SCFD2: variants seen among roughly 807,000 people sequenced by gnomAD.
The protein encoded by SCFD2 is sec1 family domain-containing protein 2.
SCFD2 carries 54 observed loss-of-function variants against 58.9 expected under a neutral mutation model. The observed-to-expected ratio is 0.92, with a 90% CI of 0.74 to 1.15. The LOEUF (loss-of-function observed/expected upper bound fraction) is 1.15, where lower values mean the gene tolerates loss of function less well. SCFD2 is among the 50% of genes most tolerant of loss of function. The pLI, the probability that SCFD2 is intolerant of heterozygous loss-of-function variation, is 0.00. For synonymous variants in SCFD2, 321 were observed against 335.9 expected, an observed-to-expected ratio of 0.96 and a Z score of 0.49; for missense variants, 805 against 836.6, an observed-to-expected ratio of 0.96 and a Z score of 0.47.
At chr4:53,040,826 T>C (rs4864714) in intron 5 of SCFD2, among the ~76,000 whole-genome samples, 33,104 of 152,106 alleles carry the variant, frequency 0.22, 6,075 homozygotes, top group African/African-American at 0.51. Flanking sequence ...AAGACCTTTA[T>C]CAAGAGTGAA....
chr4:53,258,541 T>TATATATATATATATATATAC (rs1730724839), intron 4 of SCFD2, among the ~76,000 whole-genome samples: 1 of 13,272 alleles, frequency 7.5e-5, no homozygotes, highest in African/African-American at 2.9e-4. Flanking sequence ...TGTGTGTGTA[T>TATATATATATATATATATAC]ATATATATAT....
chr4:53,257,462 A>G (rs1418441535), intron 4 of SCFD2, among the ~76,000 whole-genome samples: 1 of 152,210 alleles, frequency 6.6e-6, no homozygotes, highest in Non-Finnish European at 1.5e-5. Flanking sequence ...GCCACTTCTT[A>G]TTCCATCATT....
At chr4:53,094,443 T>C (rs1313458651) in intron 5 of SCFD2, among the ~76,000 whole-genome samples, 1 of 152,094 alleles carries the variant, frequency 6.6e-6, no homozygotes, top group Non-Finnish European at 1.5e-5. Context: ...CCTTATTTCA[T>C]AAGGATGGTA....
intron 5 of SCFD2, among the ~76,000 whole-genome samples, chr4:53,139,703 G>T (rs1396979590): frequency 6.6e-6 from 1 of 152,000 alleles, no homozygotes; most frequent in East Asian, 1.9e-4. Flanking sequence ...CCATCTGGGA[G>T]GTGTACCCAA....
chr4:53,136,084 G>A (rs1725928601), intron 5 of SCFD2, among the ~76,000 whole-genome samples: 1 of 152,120 alleles, frequency 6.6e-6, no homozygotes, highest in Non-Finnish European at 1.5e-5. Flanking sequence ...ACAAATATTT[G>A]TATATTTATA....
chr4:53,345,474 T>C (rs1331820558), intron 2 of SCFD2, among the ~76,000 whole-genome samples: 2 of 152,034 alleles, frequency 1.3e-5, no homozygotes, highest in African/African-American at 4.8e-5. Flanking sequence ...TGTGGAGAAA[T>C]AGGAAAACTT....
At chr4:53,217,221 G>C (rs950103822) in intron 4 of SCFD2, among the ~76,000 whole-genome samples, 1 of 152,044 alleles carries the variant, frequency 6.6e-6, no homozygotes, top group Non-Finnish European at 1.5e-5. Flanking sequence ...CTGTCTCGTT[G>C]ATCTGTCTAA....
intron 4 of SCFD2, among the ~76,000 whole-genome samples, chr4:53,252,738 G>C (rs1016708310): frequency 1.3e-5 from 2 of 152,136 alleles, no homozygotes; most frequent in Non-Finnish European, 2.9e-5. Flanking sequence ...ATTAATTCAA[G>C]ATGGATTATT....
chr4:53,199,604 G>C (rs1728164181), intron 4 of SCFD2, among the ~76,000 whole-genome samples: 1 of 152,052 alleles, frequency 6.6e-6, no homozygotes, highest in Non-Finnish European at 1.5e-5. Context: ...GAAAGATCAA[G>C]TAATTAGAGG....
intron 4 of SCFD2, among the ~76,000 whole-genome samples, chr4:53,222,246 G>C (rs575435810): frequency 9.2e-5 from 14 of 152,300 alleles, no homozygotes; most frequent in Non-Finnish European, 1.5e-4. Context: ...AATGACTTAA[G>C]AAGAGAATAA....
chr4:52,991,355 AG>A (rs1333078440), intron 5 of SCFD2, among the ~76,000 whole-genome samples: 1 of 152,250 alleles, frequency 6.6e-6, no homozygotes, highest in Non-Finnish European at 1.5e-5. Context: ...GACAGTAAAA[AG>A]GTACACTGTA....
chr4:53,293,613 C>T (rs1278652439), intron 3 of SCFD2, among the ~76,000 whole-genome samples: 1 of 152,148 alleles, frequency 6.6e-6, no homozygotes, highest in African/African-American at 2.4e-5. Context: ...GGTTTATGTG[C>T]AGAAAGTTCC....
chr4:53,049,517 T>C (rs1258011947), intron 5 of SCFD2, among the ~76,000 whole-genome samples: 2 of 152,168 alleles, frequency 1.3e-5, no homozygotes, highest in African/African-American at 4.8e-5. Flanking sequence ...CAAGCTTACA[T>C]AGCCGAAGTA....
At chr4:53,292,129 A>G (rs1476191956) in intron 3 of SCFD2, among the ~76,000 whole-genome samples, 2 of 152,152 alleles carry the variant, frequency 1.3e-5, no homozygotes, top group Non-Finnish European at 2.9e-5. Flanking sequence ...CATTCAGCAC[A>G]TAGGCATGGG....
chr4:53,280,255 C>T (rs1189156483), intron 3 of SCFD2, among the ~76,000 whole-genome samples: 2 of 152,156 alleles, frequency 1.3e-5, no homozygotes, highest in African/African-American at 4.8e-5. Context: ...GTGGCTCACG[C>T]CTGTAATCCC....
chr4:53,121,677 G>A (rs1725482596), intron 5 of SCFD2, among the ~76,000 whole-genome samples: 2 of 152,174 alleles, frequency 1.3e-5, no homozygotes, highest in African/African-American at 4.8e-5. Context: ...AACAGACCTG[G>A]TCGCAATCAG....
chr4:52,917,328 C>T (rs1051521624), intron 6 of SCFD2, among the ~76,000 whole-genome samples: 2 of 152,162 alleles, frequency 1.3e-5, no homozygotes, highest in African/African-American at 4.8e-5. Flanking sequence ...AAGTTGCTTG[C>T]CCAAGGTCAC....
intron 5 of SCFD2, chr4:52,958,191 T>C (rs901444914): frequency 2.6e-5 from 4 of 152,334 alleles, no homozygotes; most frequent in Middle Eastern, 3.4e-3. Context: ...CAAAGACACT[T>C]TAAGTCCAAT....
chr4:53,281,490 C>A (rs1198493394), intron 3 of SCFD2, among the ~76,000 whole-genome samples: 4 of 152,156 alleles, frequency 2.6e-5, no homozygotes, highest in African/African-American at 9.7e-5. Context: ...AAGAAATCCT[C>A]AAATGTTAAT....
Sources: allele counts gnomAD v4.1 joint callset (sites outside exome capture counted in the v4.1 genomes callset), GRCh38; gene constraint gnomAD v4.1.1; transcripts MANE v1.5; gene names NCBI Gene and HGNC (gene_info 2026-07-23, HGNC 2026-07-21).